The following TNXB variants were observed in gnomAD, a reference collection of about 807,000 sequenced individuals.
TNXB encodes the protein tenascin XB, also known as tenascin-X.
Under a neutral mutation model 340.5 loss-of-function variants are expected in TNXB, and 183 were observed. The ratio of observed to expected loss-of-function variants is 0.54; its 90% CI spans 0.48 to 0.61. The LOEUF (loss-of-function observed/expected upper bound fraction) is 0.61, where lower values mean the gene tolerates loss of function less well. TNXB is among the 20% of genes least tolerant of loss of function. The probability of loss-of-function intolerance (pLI) is 0.00; values close to 1 mark genes in which losing one functional copy is unlikely to be tolerated. For synonymous variants in TNXB, 2,121 were observed against 2,314.5 expected, an observed-to-expected ratio of 0.92 and a Z score of 2.40; for missense variants, 4,613 against 5,446.4, an observed-to-expected ratio of 0.85 and a Z score of 4.82.
rs1314736765 is a variant in TNXB at position 32,074,091 on chromosome 6, A to T, written c.4376-139T>A. 1.3e-6 allele frequency: 1 copy of T among 796,168 alleles called. No homozygotes were observed. Among genetic ancestry groups the T allele is most frequent in the African/African-American group, 1.7e-5 (1 of 57,866 alleles). 49.3% of individuals were successfully genotyped at this position (796,168 alleles called of 1,614,324 possible). The stretch of plus-strand genomic sequence containing the variant: ...CCAGAGCAGTGGGCGACCTCGGCTC[A>T]CTGCAGCCTCTGCCTCCCGGGTTCA... On this transcript the variant is annotated intron_variant, in intron 11 of 43. Transcript: ENST00000644971. This position sits in a 1 kb window ranked among gnomAD's most constrained non-coding sequence, Gnocchi z 5.5.
At chr6:32,057,973 G>A (rs2151903384) in intron 22 of TNXB, 85 bp downstream of exon 22, 1 of 1,446,360 alleles carries the variant, frequency 6.9e-7, no homozygotes, top group African/African-American at 1.4e-5. Flanking sequence ...GCCCCATCAA[G>A]ACAGAAATAT....
Position 32,081,462 on chromosome 6 carries a change from G to A in TNXB, c.3948C>T (p.Val1316=), listed in dbSNP as rs747587319. ...PVAGDENEVT[V]PGLDPDRKYK... ...ACTTCCGGTCGGGATCCAGGCCGGG[G>A]ACAGTAACCTCATTCTCATCCCCCG... Residue 1316 remains valine, a synonymous_variant, in exon 10 of 44, where the codon GTC becomes GTT. Transcript: ENST00000644971. The surrounding 1 kb of genome is among the most constrained non-coding windows in gnomAD (Gnocchi z 5.1). 2.5e-6 allele frequency: 4 copies of A among 1,595,610 alleles called. No individual in the cohort carries two copies. The South Asian group carries it at 3.4e-5, about 14-fold the overall frequency.
intron 1 of TNXB, among the ~76,000 whole-genome samples, chr6:32,098,885 T>C (rs2039265540): frequency 6.6e-6 from 1 of 152,232 alleles, no homozygotes; most frequent in African/African-American, 2.4e-5. Context: ...ACTCTGCTCA[T>C]AAAGGCTGGC....
intron 24 of TNXB, among the ~76,000 whole-genome samples, chr6:32,054,421 C>G (rs547461891): frequency 2.4e-4 from 36 of 152,234 alleles, no homozygotes; most frequent in Admixed American, 5.9e-4. Context: ...TGCTCCCACA[C>G]TTCAGGATGA....
chr6:32,050,586 T>C (rs947132439), intron 26 of TNXB, among the ~76,000 whole-genome samples: 9 of 146,778 alleles, frequency 6.1e-5, no homozygotes, highest in South Asian at 4.5e-4. Flanking sequence ...TGAGCACAGC[T>C]CCACTTGGCC....
At position 32,089,260 on chromosome 6, in the gene TNXB, G is replaced by A. The variant is rs1484345299; in HGVS notation, c.2478C>T (p.Thr826=). 2 of 1,606,470 alleles carry A rather than the reference G, an allele frequency of 1.2e-6. No individual in the cohort carries two copies. Among genetic ancestry groups the A allele is most frequent in the Admixed American group, 3.3e-5 (2 of 59,926 alleles). ...YQVTVRALRG[T]SWGLPASKTI... ...TCTTGGAGGCAGGAAGGCCCCAGCT[G>A]GTCCCTCGAAGGGCTCGGACAGTGA... Residue 826 remains threonine (T), a synonymous_variant, in exon 5 of 44, where the codon ACC becomes ACT. Coordinates refer to ENST00000644971, the MANE Select transcript of TNXB (RefSeq NM_001365276.2). This position sits in a 1 kb window ranked among gnomAD's most constrained non-coding sequence, Gnocchi z 6.2.
chr6:32,099,235 CTTTT>C (rs11344952), intron 1 of TNXB, among the ~76,000 whole-genome samples: 7 of 141,362 alleles, frequency 5.0e-5, no homozygotes, highest in East Asian at 2.0e-4. Flanking sequence ...CTCTCTCTCA[CTTTT>C]TTTTTTTTTT....
chr6:32,054,012 G>C (rs1777475426), intron 24 of TNXB, among the ~76,000 whole-genome samples: 1 of 151,700 alleles, frequency 6.6e-6, no homozygotes, highest in East Asian at 1.9e-4. Flanking sequence ...TCCCTGCACT[G>C]GTGTCTCCTC....
chr6:32,062,647 G>A lies in TNXB; in HGVS notation c.6842-164C>T, dbSNP rs1021973603. Among the ~76,000 whole-genome samples, 1 of 152,204 alleles carries A rather than the reference G, an allele frequency of 6.6e-6. No homozygotes were observed. ...TGAATGTTCAGTTAACACCACACCT[G>A]TGGTGAAGTCATGATGCTCAGGTGG... On this transcript the variant is annotated intron_variant, in intron 19 of 43. Transcript: ENST00000644971. This position sits in a 1 kb window ranked among gnomAD's most constrained non-coding sequence, Gnocchi z 4.3.
rs766652442 is a variant in TNXB, at chr6:32,088,997, A to G, written c.2567T>C (p.Leu856Pro). ...LRVVAVTPTT[L>P]ELGWLRPQAE... ...CTGGGGACGCAGCCAGCCAAGCTCC[A>G]GTGTTGTCGGTGTCACAGCCACCAC... is the stretch of plus-strand genomic sequence containing the variant. The change falls in exon 6 of 44, where the codon CTG becomes CCG. Residue 856 changes from leucine (L) to proline (P), a missense_variant. By Grantham distance (98) the Leu-to-Pro change is moderately conservative. Around this residue, in one of 7 missense-constraint regions of TNXB, gnomAD observed 4,327 missense variants for 4,859.4 expected, o/e 0.89. Coordinates refer to ENST00000644971, the MANE Select transcript of TNXB (RefSeq NM_001365276.2). 1 of 1,610,954 alleles carries G rather than the reference A, an allele frequency of 6.2e-7. No individual in the cohort carries two copies. Among genetic ancestry groups the G allele is most frequent in the Non-Finnish European group, 8.5e-7 (1 of 1,178,964 alleles).
rs371038535 is a variant in TNXB, at chr6:32,064,940, G to A, written c.6722C>T (p.Pro2241Leu). The A allele has an allele frequency of 2.3e-5, 37 of 1,612,656 alleles. No homozygotes were observed. The highest frequency in any genetic ancestry group is 2.7e-5 in the Non-Finnish European group (32 of 1,179,872). Reference protein sequence around the residue: ...GDGQPKAVRVPGHEDGVTISG... With the variant: ...GDGQPKAVRVLGHEDGVTISG... ...GATGGTGACCCCATCCTCGTGTCCC[G>A]GCACCCGCACCGCCTTGGGCTGCCC... Residue 2241 changes from proline to leucine, a missense_variant, in exon 19 of 44, where the codon CCG becomes CTG. Pro to Leu is a moderately conservative substitution (Grantham distance 98). Coordinates refer to ENST00000644971, the MANE Select transcript of TNXB (RefSeq NM_001365276.2). The surrounding 1 kb of genome is among the most constrained non-coding windows in gnomAD (Gnocchi z 5.3).
chr6:32,097,407 AAC>A lies in TNXB; in HGVS notation c.444_445del (p.Phe149Ter). The A allele has an allele frequency of 3.7e-6, 6 of 1,608,552 alleles. No homozygotes were observed. Among genetic ancestry groups the A allele is most frequent in the Non-Finnish European group, 5.1e-6 (6 of 1,179,180 alleles). On this transcript the variant is annotated frameshift_variant, in exon 3 of 44. Transcript: ENST00000644971. LOFTEE classifies it high-confidence loss of function. The surrounding 1 kb of genome is among the most constrained non-coding windows in gnomAD (Gnocchi z 5.9). Reference sequence around the variant, plus strand: ...GGAACAGGTGCAGCGGCTCAGATCAAACACACCATGGAGACTGCAGAGGGTCC... The same window carrying A: ...GGAACAGGTGCAGCGGCTCAGATCAAACACCATGGAGACTGCAGAGGGTCC...
chr6:32,094,515 C>T (rs1582469279), intron 4 of TNXB, among the ~76,000 whole-genome samples: 3 of 152,294 alleles, frequency 2.0e-5, no homozygotes, highest in South Asian at 4.1e-4. Flanking sequence ...CAGAGTAAGT[C>T]AGTGGGCCCC....
chr6:32,071,991 C>G lies in TNXB; in HGVS notation c.4989G>C (p.Thr1663=). The G allele has an allele frequency of 6.3e-7, 1 of 1,593,072 alleles. No individual in the cohort carries two copies. The highest frequency in any genetic ancestry group is 8.6e-7 in the Non-Finnish European group (1 of 1,167,870). Residue 1663 remains threonine, a splice_region_variant and synonymous_variant, in exon 13 of 44, where the codon ACG becomes ACC. Coordinates refer to ENST00000644971, the MANE Select transcript of TNXB (RefSeq NM_001365276.2). ...RRSPVSVEAK[T]VARGDASPGA... is the part of the protein sequence containing the mutation. Reference sequence around the variant, plus strand: ...CAGCTGTGTAGGGGCCCATCTCACCCGTCTTTGCCTCCACAGAGACTGGGC... The same window carrying G: ...CAGCTGTGTAGGGGCCCATCTCACCGGTCTTTGCCTCCACAGAGACTGGGC...
Position 32,082,408 on chromosome 6 carries a change from T to A in TNXB, c.3446-82A>T. ...CCAAATCCCACATAGGAATGCTGTG[T>A]GAGGCTGTGCAGGTTGTTCACTGCA... On this transcript the variant is annotated intron_variant, in intron 8 of 43. Coordinates refer to ENST00000644971, the MANE Select transcript of TNXB (RefSeq NM_001365276.2). This position sits in a 1 kb window ranked among gnomAD's most constrained non-coding sequence, Gnocchi z 5.0. 2 of 1,400,110 alleles carry A rather than the reference T, an allele frequency of 1.4e-6. No homozygotes were observed. Among genetic ancestry groups the A allele is most frequent in the Non-Finnish European group, 1.9e-6 (2 of 1,032,938 alleles). The allele number at this position is 1,400,110 out of a possible 1,614,324, so 86.7% of individuals were successfully genotyped here.
Position 32,079,295 on chromosome 6 carries a change from C to T in TNXB, c.4113G>A (p.Glu1371=). The change falls in exon 11 of 44, where the codon GAG becomes GAA. Residue 1371 remains glutamate, a synonymous_variant. Coordinates refer to ENST00000644971, the MANE Select transcript of TNXB (RefSeq NM_001365276.2). This position sits in a 1 kb window ranked among gnomAD's most constrained non-coding sequence, Gnocchi z 7.1. The part of the protein sequence containing the change: ...ELGTEAPESP[E]EPLLGELTVT... ...CTGTCAGCTCCCCCAGGAGCGGCTC[C>T]TCGGGGGACTCCGGGGCCTCCGTGC... 1 of 1,613,012 alleles carries T rather than the reference C, an allele frequency of 6.2e-7. No homozygotes were observed. Among genetic ancestry groups the T allele is most frequent in the East Asian group, 2.2e-5 (1 of 44,882 alleles).
chr6:32,071,863 T>C, intron 13 of TNXB, 127 bp downstream of exon 13: 1 of 835,998 alleles, frequency 1.2e-6, no homozygotes, highest in Middle Eastern at 3.0e-4. Flanking sequence ...TGAGTCACTG[T>C]GCTAGCCCCA....
chr6:32,097,645 G>C lies in TNXB; in HGVS notation c.403+151C>G. On this transcript the variant is annotated intron_variant, in intron 2 of 43. Coordinates refer to ENST00000644971, the MANE Select transcript of TNXB (RefSeq NM_001365276.2). This position sits in a 1 kb window ranked among gnomAD's most constrained non-coding sequence, Gnocchi z 5.9. ...TATGCTTTGGTTGACATGTAGCCCA[G>C]CTCTGCTCTCCAAGTTGTGTTCTGG... 3 of 1,124,838 alleles carry C rather than the reference G, an allele frequency of 2.7e-6. No homozygotes were observed. The highest frequency in any genetic ancestry group is 3.7e-6 in the Non-Finnish European group (3 of 816,620). 69.7% of individuals were successfully genotyped at this position (1,124,838 alleles called of 1,614,324 possible).
rs1436179729 is a variant in TNXB, at chr6:32,049,256, G to A, written c.9757+14C>T. On this transcript the variant is annotated intron_variant, in intron 28 of 43. Transcript: ENST00000644971. The surrounding 1 kb of genome is among the most constrained non-coding windows in gnomAD (Gnocchi z 4.5). ...GAGGTAAACCTGGGGACGAGGGCCT[G>A]TCCCCCCACTCACCCGTGATGCCCA... The A allele has an allele frequency of 3.7e-6, 6 of 1,604,984 alleles. No individual in the cohort carries two copies. The highest frequency in any genetic ancestry group is 4.3e-6 in the Non-Finnish European group (5 of 1,174,778).
Sources: allele counts gnomAD v4.1 joint callset (sites outside exome capture counted in the v4.1 genomes callset), GRCh38; gene constraint gnomAD v4.1.1; regional missense constraint gnomAD v4.1.1; non-coding constraint Gnocchi (gnomAD v3.1); transcripts MANE v1.5; gene names NCBI Gene and HGNC (gene_info 2026-07-23, HGNC 2026-07-21).